CLUL1: variants seen among roughly 807,000 people sequenced by gnomAD.
The protein encoded by CLUL1 is clusterin like 1.
A neutral mutation model predicts 49.4 loss-of-function variants in CLUL1; 43 were observed. That is an observed-to-expected ratio of 0.87 (90% CI 0.68 to 1.12). The LOEUF is 1.12. CLUL1 is among the 50% of genes most tolerant of loss of function. The probability of loss-of-function intolerance (pLI) is 0.00; values close to 1 mark genes in which losing one functional copy is unlikely to be tolerated. For missense variants in CLUL1, 486 were observed against 544.4 expected, an observed-to-expected ratio of 0.89 and a Z score of 1.07; for synonymous variants, 192 against 184.9, an observed-to-expected ratio of 1.04 and a Z score of -0.31.
At chr18:643,669 C>A (rs921434734) in intron 8 of CLUL1, among the ~76,000 whole-genome samples, 3 of 152,130 alleles carry the variant, frequency 2.0e-5, no homozygotes, top group Admixed American at 2.0e-4. Context: ...TATATAAAAA[C>A]CTCCACATAA....
Position 633,423 on chromosome 18 carries a change from C to A in CLUL1, c.982C>A (p.His328Asn), listed in dbSNP as rs1356517197. The change falls in exon 7 of 10, where the codon CAC (histidine) becomes AAC (asparagine). Residue 328 changes from histidine (H) to asparagine (N), a missense_variant. Coordinates refer to ENST00000692774, the MANE Select transcript of CLUL1 (RefSeq NM_001393344.1). ...FHEKCQKCQAHLSEDCPDVPA... is the reference protein window; with the variant it reads ...FHEKCQKCQANLSEDCPDVPA... ...TGAAAAATGCCAAAAATGTCAGGCT[C>A]ACCTATCTGAAGGTAAATAATTGCT... 1 of 1,613,496 alleles carries A rather than the reference C, an allele frequency of 6.2e-7. No individual in the cohort carries two copies. Among genetic ancestry groups the A allele is most frequent in the African/African-American group, 1.3e-5 (1 of 74,908 alleles).
At chr18:639,530 C>T (rs1474973177) in intron 7 of CLUL1, among the ~76,000 whole-genome samples, 1 of 151,234 alleles carries the variant, frequency 6.6e-6, no homozygotes, top group African/African-American at 2.4e-5. Context: ...CTTTGGGAGG[C>T]CAAGGCGGGC....
intron 2 of CLUL1, among the ~76,000 whole-genome samples, chr18:607,997 T>C (rs2073028709): frequency 6.6e-6 from 1 of 152,140 alleles, no homozygotes; most frequent in African/African-American, 2.4e-5. Context: ...ATCTGAGCAG[T>C]CATCAGTTGC....
chr18:611,920 C>A (rs1255965937), intron 2 of CLUL1, among the ~76,000 whole-genome samples: 2 of 152,126 alleles, frequency 1.3e-5, no homozygotes, highest in East Asian at 1.9e-4. Context: ...CTACACTCTG[C>A]CCCGGCCTTT....
chr18:634,007 T>C (rs944367126), intron 7 of CLUL1, among the ~76,000 whole-genome samples: 2 of 152,256 alleles, frequency 1.3e-5, no homozygotes, highest in Non-Finnish European at 1.5e-5. Context: ...AGGGTTTCTT[T>C]AGTATTCTGG....
At chr18:634,277 G>GCA (rs1413618425) in intron 7 of CLUL1, among the ~76,000 whole-genome samples, 1 of 152,028 alleles carries the variant, frequency 6.6e-6, no homozygotes, top group Non-Finnish European at 1.5e-5. Context: ...TTACAGGCAT[G>GCA]TGCCACCACG....
intron 1 of CLUL1, among the ~76,000 whole-genome samples, chr18:605,789 A>T (rs1022927104): frequency 6.6e-6 from 1 of 151,952 alleles, no homozygotes; most frequent in African/African-American, 2.4e-5. Context: ...CCATCCTCCC[A>T]ACTCAGCCTC....
At chr18:601,308 T>C (rs1466528133) in intron 1 of CLUL1, among the ~76,000 whole-genome samples, 1 of 152,166 alleles carries the variant, frequency 6.6e-6, no homozygotes, top group African/African-American at 2.4e-5. Flanking sequence ...AAAATGAACC[T>C]TTCCAGTGAA....
chr18:606,956 T>C lies in CLUL1; in HGVS notation c.-135-22T>C. 2 of 611,632 alleles carry C rather than the reference T, an allele frequency of 3.3e-6. No homozygotes were observed. 37.9% of individuals were successfully genotyped at this position (611,632 alleles called of 1,614,324 possible). On this transcript the variant is annotated intron_variant, in intron 1 of 9. Transcript: ENST00000692774. The surrounding 1 kb of genome is among the most constrained non-coding windows in gnomAD (Gnocchi z 4.1). The stretch of plus-strand genomic sequence containing the variant: ...AGGCGGCTCCCTAAAATTTCTTTTC[T>C]TTTTTCTTTTCTTTTCTTTAGAGTT...
chr18:644,252 G>A (rs751901392), intron 8 of CLUL1, among the ~76,000 whole-genome samples: 12 of 152,156 alleles, frequency 7.9e-5, no homozygotes, highest in Admixed American at 4.6e-4. Context: ...ATCAAGTTGC[G>A]TATCAGTTCA....
At chr18:619,420 T>TAACAAGTGCAG in intron 4 of CLUL1, 59 bp downstream of exon 4, 6 of 1,397,014 alleles carry the variant, frequency 4.3e-6, no homozygotes, top group Non-Finnish European at 5.8e-6. Context: ...AATACTGCAC[T>TAACAAGTGCAG]TGTTAGTGCG....
chr18:615,193 G>A (rs533873467), intron 2 of CLUL1, among the ~76,000 whole-genome samples: 17 of 152,310 alleles, frequency 1.1e-4, no homozygotes, highest in African/African-American at 3.6e-4. Flanking sequence ...GGATTCACAT[G>A]AAGTATTGCT....
At chr18:649,262 C>A (rs1047933475) in intron 9 of CLUL1, among the ~76,000 whole-genome samples, 2 of 152,096 alleles carry the variant, frequency 1.3e-5, no homozygotes, top group Non-Finnish European at 2.9e-5. Context: ...TTGCTAGGTG[C>A]CCTAGCTGCA....
intron 7 of CLUL1, among the ~76,000 whole-genome samples, chr18:633,823 AATCGGAATGAATCAGGGCGGAGCG>A (rs1439376898): frequency 1.3e-4 from 15 of 116,034 alleles, no homozygotes; most frequent in East Asian, 3.5e-4. Flanking sequence ...CGGAGCGTGT[AATCGGAATGAATCAGGGCGGAGCG>A]TGTAATCGGA....
In CLUL1 at chr18:609,527, TA is replaced by T. The variant is rs745985647; in HGVS notation, c.-14+2433del. 5.3e-5 allele frequency among the ~76,000 whole-genome samples: 8 copies of T among 152,192 alleles called. No homozygotes were observed. The South Asian group carries it at 1.7e-3, about 32-fold the overall frequency. On this transcript the variant is annotated intron_variant, in intron 2 of 9. Transcript: ENST00000692774. ...AATTTTCCACTTGTCTCTCTGTGCT[TA>T]AAAAGTTTAGATTGGCCAGGCATGG...
At chr18:605,901 G>A (rs2072959539) in intron 1 of CLUL1, among the ~76,000 whole-genome samples, 1 of 152,226 alleles carries the variant, frequency 6.6e-6, no homozygotes, top group East Asian at 1.9e-4. Context: ...CTGGCCTCAA[G>A]CAATCCACCC....
At chr18:645,538 G>A (rs2074447208) in intron 9 of CLUL1, among the ~76,000 whole-genome samples, 1 of 151,860 alleles carries the variant, frequency 6.6e-6, no homozygotes, top group Non-Finnish European at 1.5e-5. Context: ...GCTCATGCCT[G>A]TAATCCCAGC....
chr18:627,018 AG>A lies in CLUL1; in HGVS notation c.424-78del, dbSNP rs2073819439. 5.4e-6 allele frequency: 2 copies of A among 372,570 alleles called. 1 individual carries two copies. Among genetic ancestry groups the A allele is most frequent in the African/African-American group, 6.8e-5 (2 of 29,202 alleles). 23.1% of individuals were successfully genotyped at this position (372,570 alleles called of 1,614,324 possible). ...AGGAAGGAAGGAAGGAAAGAAAGAA[AG>A]AAAGAAAGAAAAGAAAGAAAGAGTC... On this transcript the variant is annotated intron_variant, in intron 5 of 9. Coordinates refer to ENST00000692774, the MANE Select transcript of CLUL1 (RefSeq NM_001393344.1).
At chr18:630,766 A>G (rs1295885681) in intron 6 of CLUL1, among the ~76,000 whole-genome samples, 1 of 131,482 alleles carries the variant, frequency 7.6e-6, no homozygotes, top group African/African-American at 2.9e-5. Context: ...GGCTCAGTAC[A>G]ACCTCCGCCT....
Sources: gnomAD v4.1 joint callset for allele counts (sites outside exome capture counted in the v4.1 genomes callset) on GRCh38, gnomAD v4.1.1 for gene constraint, Gnocchi (gnomAD v3.1) non-coding constraint, MANE v1.5 for transcripts, NCBI Gene and HGNC (gene_info 2026-07-23, HGNC 2026-07-21) for gene names.